Variants in NDUFA12 observed in about 807,000 individuals in gnomAD.
The protein encoded by NDUFA12 is NADH:ubiquinone oxidoreductase subunit A12.
NDUFA12 carries 17 observed loss-of-function variants against 20.3 expected under a neutral mutation model. The observed-to-expected ratio is 0.84, with a 90% confidence interval of 0.57 to 1.26. The LOEUF is 1.26. NDUFA12 is among the 50% of genes most tolerant of loss of function. The pLI, the probability that NDUFA12 is intolerant of heterozygous loss-of-function variation, is 0.00. For missense variants in NDUFA12, 191 were observed against 183.7 expected, an observed-to-expected ratio of 1.04 and a Z score of -0.23; for synonymous variants, 72 against 63.6, an observed-to-expected ratio of 1.13 and a Z score of -0.63.
chr12:94,980,768 C>T (rs10859812), intron 3 of NDUFA12, among the ~76,000 whole-genome samples: 48,239 of 151,026 alleles, frequency 0.32, 8,069 homozygotes, highest in East Asian at 0.42. Context: ...AGTGGGAAAA[C>T]GGTATACGTG....
intron 3 of NDUFA12, among the ~76,000 whole-genome samples, chr12:94,977,680 C>G (rs1263355908): frequency 1.3e-5 from 2 of 152,006 alleles, no homozygotes; most frequent in Non-Finnish European, 2.9e-5. Context: ...GATTATCATA[C>G]CCAAAAAATA....
intron 2 of NDUFA12, chr12:94,997,001 A>G: frequency 2.8e-6 from 1 of 363,172 alleles, no homozygotes; most frequent in South Asian, 2.2e-5. Context: ...TTTTTAGACA[A>G]TCTCTTAAAA....
At chr12:94,981,108 G>GA (rs924384340) in intron 3 of NDUFA12, among the ~76,000 whole-genome samples, 38 of 149,894 alleles carry the variant, frequency 2.5e-4, no homozygotes, top group South Asian at 1.7e-3. Context: ...AAGAACAAGA[G>GA]AAAAAAAAAG....
chr12:94,986,403 A>G lies in NDUFA12; in HGVS notation c.257+7767T>C, dbSNP rs573631868. 7.2e-5 allele frequency among the ~76,000 whole-genome samples: 11 copies of G among 152,324 alleles called. No individual in the cohort carries two copies. The East Asian group carries it at 2.1e-3, about 29-fold the overall frequency. On this transcript the variant is annotated intron_variant, in intron 3 of 3. Transcript: ENST00000327772. ...CTGCACAGAATGGTGACTGTAATAA[A>G]TAATAATTCACTGTATATTTGGAAA... is the stretch of plus-strand genomic sequence containing the variant.
intron 3 of NDUFA12, chr12:94,971,890 G>A (rs1007951661): frequency 2.1e-5 from 13 of 623,510 alleles, no homozygotes; most frequent in African/African-American, 3.6e-5. Flanking sequence ...GTTAGCTACC[G>A]TTCTCATTAC....
intron 2 of NDUFA12, among the ~76,000 whole-genome samples, chr12:94,997,848 T>C (rs565886380): frequency 1.3e-5 from 2 of 152,350 alleles, no homozygotes; most frequent in African/African-American, 2.4e-5. Context: ...CTAATATTTA[T>C]TGAGCACTTA....
At chr12:94,985,197 T>C (rs1037708448) in intron 3 of NDUFA12, among the ~76,000 whole-genome samples, 1 of 151,878 alleles carries the variant, frequency 6.6e-6, no homozygotes, top group East Asian at 1.9e-4. Flanking sequence ...TGGTGGCACA[T>C]GGCTGCAGTT....
At chr12:94,993,231 A>G (rs1874702569) in intron 3 of NDUFA12, among the ~76,000 whole-genome samples, 1 of 150,510 alleles carries the variant, frequency 6.6e-6, no homozygotes, top group Admixed American at 6.6e-5. Context: ...GCTCATGCCT[A>G]TAATCCCAGC....
chr12:95,003,016 C>G (rs1565821301), intron 1 of NDUFA12, among the ~76,000 whole-genome samples, 195 bp from the exon 2 acceptor site: 1 of 152,216 alleles, frequency 6.6e-6, no homozygotes, highest in Non-Finnish European at 1.5e-5. Context: ...TAAATGTAGT[C>G]TCTTCAGATT....
intron 2 of NDUFA12, chr12:94,994,501 C>T: frequency 5.9e-6 from 3 of 506,394 alleles, no homozygotes; most frequent in East Asian, 3.6e-5. Flanking sequence ...GGGGCTCAGG[C>T]CTTTCCCACA....
At chr12:94,971,834 T>C (rs374549154) in intron 3 of NDUFA12, 47 of 728,106 alleles carry the variant, frequency 6.5e-5, no homozygotes, top group Non-Finnish European at 1.2e-4. Context: ...ATAATAGACA[T>C]AAAGCACATA....
intron 3 of NDUFA12, among the ~76,000 whole-genome samples, chr12:94,992,612 T>A (rs1158010445): frequency 6.6e-6 from 1 of 152,182 alleles, no homozygotes; most frequent in East Asian, 1.9e-4. Flanking sequence ...ACTGGACAAT[T>A]TGCAAGACTA....
chr12:94,971,425 T>G lies in NDUFA12; in HGVS notation c.*15A>C. ...AGCTCCATATTTTGCATGTTTCAAC[T>G]GTTCTTCATTGTCTTTACTTGTAAG... On this transcript the variant is annotated 3_prime_UTR_variant, in exon 4 of 4. Coordinates refer to ENST00000327772, the MANE Select transcript of NDUFA12 (RefSeq NM_018838.5). The G allele has an allele frequency of 6.2e-7, 1 of 1,612,622 alleles. No individual in the cohort carries two copies. Among genetic ancestry groups the G allele is most frequent in the South Asian group, 1.1e-5 (1 of 91,038 alleles).
Position 94,995,920 on chromosome 12 carries a change from C to G in NDUFA12, c.170-1663G>C, listed in dbSNP as rs1304231836. On this transcript the variant is annotated intron_variant, in intron 2 of 3. Coordinates refer to ENST00000327772, the MANE Select transcript of NDUFA12 (RefSeq NM_018838.5). Reference sequence around the variant, plus strand: ...CTGTGCATTTTTTTTTTTTAATAAACACAACTGGCTGGGCACGGTGGCTCA... The same window carrying G: ...CTGTGCATTTTTTTTTTTTAATAAAGACAACTGGCTGGGCACGGTGGCTCA... 2.4e-4 allele frequency among the ~76,000 whole-genome samples: 36 copies of G among 149,122 alleles called. No homozygotes were observed. The Admixed American group carries it at 2.4e-3, about 10-fold the overall frequency.
At chr12:94,987,554 A>C (rs890534499) in intron 3 of NDUFA12, among the ~76,000 whole-genome samples, 42 of 152,094 alleles carry the variant, frequency 2.8e-4, no homozygotes, top group Non-Finnish European at 4.3e-4. Flanking sequence ...TAATCTCAGC[A>C]CTTTGGGAGG....
Position 95,003,618 on chromosome 12 carries a change from T to C in NDUFA12, c.63A>G (p.Arg21=), listed in dbSNP as rs760198408. 1.5e-4 allele frequency: 247 copies of C among 1,613,880 alleles called. 1 individual carries two copies. The Middle Eastern group carries it at 2.3e-3, about 15-fold the overall frequency. Residue 21 remains arginine (R), a synonymous_variant, in exon 1 of 4, where the codon CGA becomes CGG. Transcript: ENST00000327772. Reference sequence around the variant, plus strand: ...ACCTGAAAAAAACCCGTAGATAGCCTCGGAGACCGCCGTGGCCGGTGATCT... The same window carrying C: ...ACCTGAAAAAAACCCGTAGATAGCCCCGGAGACCGCCGTGGCCGGTGATCT... ...LQQITGHGGL[R]GYLRVFFRTN...
chr12:95,000,707 G>A (rs1229982017), intron 2 of NDUFA12, among the ~76,000 whole-genome samples: 2 of 152,158 alleles, frequency 1.3e-5, no homozygotes, highest in African/African-American at 2.4e-5. Context: ...GATTCTATGA[G>A]TTTATTGAGT....
chr12:94,976,060 A>G (rs1874055379), intron 3 of NDUFA12, among the ~76,000 whole-genome samples: 1 of 152,104 alleles, frequency 6.6e-6, no homozygotes, highest in Admixed American at 6.6e-5. Context: ...GACAGAGAAT[A>G]TTTTATGACT....
chr12:94,971,779 T>C, intron 3 of NDUFA12, 159 bp from the exon 4 acceptor site: 1 of 830,914 alleles, frequency 1.2e-6, no homozygotes, highest in African/African-American at 1.7e-5. Context: ...ATTTTTTCCA[T>C]CTGAACATCC....
Sources: gnomAD v4.1 joint callset for allele counts (sites outside exome capture counted in the v4.1 genomes callset) on GRCh38, gnomAD v4.1.1 for gene constraint, MANE v1.5 for transcripts, NCBI Gene and HGNC (gene_info 2026-07-23, HGNC 2026-07-21) for gene names.